The following CCDC148 variants were observed in gnomAD, a reference collection of about 807,000 sequenced individuals.
CCDC148 encodes the protein coiled-coil domain-containing protein 148.
Under a neutral mutation model 85.7 loss-of-function variants are expected in CCDC148, and 89 were observed. That is an observed-to-expected ratio of 1.04 (90% CI 0.87 to 1.24). The LOEUF (loss-of-function observed/expected upper bound fraction) is 1.24, where lower values mean the gene tolerates loss of function less well. Ranked by LOEUF, CCDC148 falls within the 50% of genes most tolerant of loss-of-function variation. CCDC148 has a pLI of 0.00. For synonymous variants in CCDC148, 230 were observed against 213.9 expected (o/e 1.08, Z -0.66); for missense variants, 692 against 671.7 (o/e 1.03, Z -0.33).
At chr2:158,342,099 G>A (rs548753772) in intron 3 of CCDC148, among the ~76,000 whole-genome samples, 2 of 133,750 alleles carry the variant, frequency 1.5e-5, no homozygotes, top group Non-Finnish European at 3.0e-5. Flanking sequence ...GCGTGATCTC[G>A]ACTCATTGCA....
intron 1 of CCDC148, among the ~76,000 whole-genome samples, chr2:158,401,597 T>C (rs2602184): frequency 0.89 from 134,973 of 151,952 alleles, 60,708 homozygotes; most frequent in Non-Finnish European, 0.96. Context: ...AATGTAAATA[T>C]GAGTTGATGG....
At chr2:158,336,192 T>C in intron 7 of CCDC148, among the ~76,000 whole-genome samples, 1 of 152,146 alleles carries the variant, frequency 6.6e-6, no homozygotes, top group South Asian at 2.1e-4. Flanking sequence ...ACAAATAATG[T>C]TATGATTGAA....
intron 1 of CCDC148, among the ~76,000 whole-genome samples, chr2:158,449,115 C>T (rs1210710525): frequency 2.0e-5 from 3 of 152,150 alleles, no homozygotes; most frequent in Non-Finnish European, 2.9e-5. Flanking sequence ...CATGAGCCAC[C>T]GTGCCCGACC....
intron 1 of CCDC148, among the ~76,000 whole-genome samples, chr2:158,403,714 A>G (rs535400382): frequency 4.1e-4 from 62 of 152,028 alleles, no homozygotes; most frequent in African/African-American, 1.4e-3. Flanking sequence ...ACACAAACAC[A>G]TGCAAACACG....
At chr2:158,211,194 A>G (rs1310963270) in intron 11 of CCDC148, among the ~76,000 whole-genome samples, 3 of 152,110 alleles carry the variant, frequency 2.0e-5, no homozygotes, top group African/African-American at 7.2e-5. Flanking sequence ...TAATAAAAAA[A>G]AAGAAAGAAA....
chr2:158,234,464 T>C (rs530844924), intron 10 of CCDC148, among the ~76,000 whole-genome samples: 4 of 152,224 alleles, frequency 2.6e-5, no homozygotes, highest in Non-Finnish European at 5.9e-5. Flanking sequence ...GGAGGGTAAA[T>C]TGTCATACTT....
intron 11 of CCDC148, among the ~76,000 whole-genome samples, chr2:158,184,704 T>C (rs568412109): frequency 3.9e-5 from 6 of 152,236 alleles, no homozygotes; most frequent in South Asian, 2.1e-4. Context: ...GCCCAAGTAC[T>C]GTATTTTGTT....
At chr2:158,428,779 T>C (rs1236267479) in intron 1 of CCDC148, among the ~76,000 whole-genome samples, 1 of 151,942 alleles carries the variant, frequency 6.6e-6, no homozygotes, top group Admixed American at 6.6e-5. Context: ...AGGCTTCCCA[T>C]TACTGAGCAT....
At chr2:158,219,717 G>C (rs1173728211) in intron 11 of CCDC148, among the ~76,000 whole-genome samples, 1 of 152,166 alleles carries the variant, frequency 6.6e-6, no homozygotes, top group Non-Finnish European at 1.5e-5. Flanking sequence ...GGTATTCCCT[G>C]TTTGCCTAGT....
chr2:158,432,168 GTAGA>G (rs1482533931), intron 1 of CCDC148, among the ~76,000 whole-genome samples: 1 of 150,938 alleles, frequency 6.6e-6, no homozygotes, highest in Non-Finnish European at 1.5e-5. Context: ...TACAGATAAA[GTAGA>G]ATAAAACATA....
At chr2:158,344,827 T>C (rs540248346) in intron 3 of CCDC148, among the ~76,000 whole-genome samples, 70 of 152,288 alleles carry the variant, frequency 4.6e-4, no homozygotes, top group African/African-American at 1.6e-3. Flanking sequence ...TATTCTACTA[T>C]ATAAAAATGA....
At chr2:158,279,853 A>C (rs974788823) in intron 9 of CCDC148, among the ~76,000 whole-genome samples, 1 of 151,662 alleles carries the variant, frequency 6.6e-6, no homozygotes, top group Non-Finnish European at 1.5e-5. Flanking sequence ...AATGAAGGAA[A>C]AAATGTTAAG....
intron 9 of CCDC148, among the ~76,000 whole-genome samples, chr2:158,266,291 G>A (rs577150401): frequency 9.9e-5 from 15 of 152,184 alleles, no homozygotes; most frequent in African/African-American, 1.7e-4. Flanking sequence ...CACATGCTCC[G>A]TCTCAAGGCA....
intron 1 of CCDC148, among the ~76,000 whole-genome samples, chr2:158,415,243 C>A (rs1686443137): frequency 6.6e-6 from 1 of 151,846 alleles, no homozygotes; most frequent in South Asian, 2.1e-4. Flanking sequence ...GAAGCAGACA[C>A]ATTCTACATG....
chr2:158,349,105 G>C (rs1377283914), intron 2 of CCDC148, among the ~76,000 whole-genome samples: 1 of 151,972 alleles, frequency 6.6e-6, no homozygotes. Flanking sequence ...TGATTATATA[G>C]ATGACCATCA....
chr2:158,405,366 T>C (rs1345136865), intron 1 of CCDC148, among the ~76,000 whole-genome samples: 1 of 152,150 alleles, frequency 6.6e-6, no homozygotes, highest in Non-Finnish European at 1.5e-5. Context: ...CAAAGGAAGA[T>C]ATAGTGCTTG....
chr2:158,233,313 T>A (rs1687943386), intron 10 of CCDC148, among the ~76,000 whole-genome samples: 1 of 151,920 alleles, frequency 6.6e-6, no homozygotes, highest in Non-Finnish European at 1.5e-5. Context: ...TCCCATGTAC[T>A]TCATTTAGAT....
intron 1 of CCDC148, among the ~76,000 whole-genome samples, chr2:158,435,087 G>A (rs1333940130): frequency 3.9e-5 from 6 of 152,176 alleles, no homozygotes; most frequent in African/African-American, 1.4e-4. Flanking sequence ...CCCCAATCTA[G>A]CAAGGCAGGC....
At chr2:158,309,120 T>C (rs899747822) in intron 9 of CCDC148, among the ~76,000 whole-genome samples, 1 of 152,230 alleles carries the variant, frequency 6.6e-6, no homozygotes, top group African/African-American at 2.4e-5. Flanking sequence ...AGTAACTTTA[T>C]CATTACACTT....
Sources: allele counts gnomAD v4.1 joint callset (sites outside exome capture counted in the v4.1 genomes callset), GRCh38; gene constraint gnomAD v4.1.1; transcripts MANE v1.5; gene names NCBI Gene and HGNC (gene_info 2026-07-23, HGNC 2026-07-21).